The following MPDU1 variants were observed in gnomAD, a reference collection of about 807,000 sequenced individuals.
MPDU1 encodes mannose-P-dolichol utilization defect 1, also known as mannose-P-dolichol utilization defect 1 protein.
Under a neutral mutation model 27.6 loss-of-function variants are expected in MPDU1, and 18 were observed. The ratio of observed to expected loss-of-function variants is 0.65; its 90% CI spans 0.45 to 0.97. The LOEUF is 0.97. Ranked by LOEUF, MPDU1 falls within the 50% of genes least tolerant of loss-of-function variation. The probability of loss-of-function intolerance (pLI) is 0.00; values close to 1 mark genes in which losing one functional copy is unlikely to be tolerated. For synonymous variants in MPDU1, 142 were observed against 131.1 expected (o/e 1.08, Z -0.57); for missense variants, 279 against 297.4 (o/e 0.94, Z 0.46).
At position 7,585,536 on chromosome 17, in the gene MPDU1, CCA is replaced by C. The variant is rs138315817; in HGVS notation, c.104-195_104-194del. Reference sequence around the variant, plus strand: ...TGGGTGACAGAGCAAGACTCTGTCTCCAAAAAAAAAAAAAAGTGTGGTGGTTT... The same window carrying C: ...TGGGTGACAGAGCAAGACTCTGTCTCAAAAAAAAAAAAAGTGTGGTGGTTT... On this transcript the variant is annotated intron_variant, in intron 1 of 6. Transcript: ENST00000250124. Among the ~76,000 whole-genome samples the C allele has an allele frequency of 0.47, 69,313 of 147,998 alleles. 17,236 individuals carry two copies. Among genetic ancestry groups the C allele is most frequent in the South Asian group, 0.63 (2,953 of 4,660 alleles).
Position 7,588,145 on chromosome 17 carries a change from G to C in MPDU1, c.*594G>C. On this transcript the variant is annotated 3_prime_UTR_variant, in exon 7 of 7. Transcript: ENST00000250124. ...GGGCTGGTTCCTGCTGCAGTGAGGGGAACAGATGGGACAATAAAGACTGGA... is the reference window on the plus strand; with the variant it reads ...GGGCTGGTTCCTGCTGCAGTGAGGGCAACAGATGGGACAATAAAGACTGGA... The C allele has an allele frequency of 4.5e-6, 3 of 667,044 alleles. No individual in the cohort carries two copies. The South Asian group carries it at 4.5e-5, about 10-fold the overall frequency. The allele number at this position is 667,044 out of a possible 1,614,324, so 41.3% of individuals were successfully genotyped here. A position where few individuals can be genotyped will look rare whatever the true frequency, so the allele number is the denominator to read the frequency against.
intron 3 of MPDU1, 95 bp downstream of exon 3, chr17:7,586,173 C>T: frequency 6.7e-7 from 1 of 1,485,708 alleles, no homozygotes; most frequent in Non-Finnish European, 9.2e-7. Flanking sequence ...TGGCCGGGCC[C>T]AGTGGCTTGC....
chr17:7,584,582 T>C (rs967127941), intron 1 of MPDU1, among the ~76,000 whole-genome samples: 1 of 152,062 alleles, frequency 6.6e-6, no homozygotes, highest in Admixed American at 6.5e-5. Flanking sequence ...CCAAGTTCCT[T>C]GAGGGGAAGG....
At chr17:7,585,525 A>G (rs571341621) in intron 1 of MPDU1, among the ~76,000 whole-genome samples, 1 of 132,174 alleles carries the variant, frequency 7.6e-6, no homozygotes, top group African/African-American at 2.6e-5. Context: ...TGACAGAGCA[A>G]GACTCTGTCT....
In MPDU1 at chr17:7,587,008, G is replaced by A. The variant is rs1159329139; in HGVS notation, c.498G>A (p.Val166=). 1 of 1,612,654 alleles carries A rather than the reference G, an allele frequency of 6.2e-7. No homozygotes were observed. The highest frequency in any genetic ancestry group is 1.3e-5 in the African/African-American group (1 of 74,782). ...LLQASNVPAV[V]VGRLLQAATN... Reference sequence around the variant, plus strand: ...AGGCCTCCAATGTGCCTGCTGTGGTGGTGGGGAGGGTGGGTACCAGGAGCA... The same window carrying A: ...AGGCCTCCAATGTGCCTGCTGTGGTAGTGGGGAGGGTGGGTACCAGGAGCA... The change falls in exon 5 of 7, where the codon GTG becomes GTA. Residue 166 remains valine (V), a synonymous_variant. Transcript: ENST00000250124.
At position 7,588,185 on chromosome 17, in the gene MPDU1, A is replaced by G; in HGVS notation, c.*634A>G. 1 of 728,558 alleles carries G rather than the reference A, an allele frequency of 1.4e-6. No individual in the cohort carries two copies. Among genetic ancestry groups the G allele is most frequent in the Non-Finnish European group, 2.5e-6 (1 of 397,508 alleles). The allele number at this position is 728,558 out of a possible 1,614,324, so 45.1% of individuals were successfully genotyped here. ...TAAAGACTGGAGACTCAGTTGAATA[A>G]TACAAAACTGTTTAATACTACCAAA... is the stretch of plus-strand genomic sequence containing the variant. On this transcript the variant is annotated 3_prime_UTR_variant, in exon 7 of 7. Transcript: ENST00000250124.
Position 7,587,141 on chromosome 17 carries a change from G to T in MPDU1, c.508-20G>T, listed in dbSNP as rs184076780. Reference sequence around the variant, plus strand: ...GAAGAGCTCAGGTGACAGAGCCAAAGGTCTCAACTCCTCCCCTAGCTTCTC... The same window carrying T: ...GAAGAGCTCAGGTGACAGAGCCAAATGTCTCAACTCCTCCCCTAGCTTCTC... On this transcript the variant is annotated intron_variant, in intron 5 of 6. Transcript: ENST00000250124. 447 of 1,612,264 alleles carry T rather than the reference G, an allele frequency of 2.8e-4. 2 individuals carry two copies. Among genetic ancestry groups the T allele is most frequent in the Non-Finnish European group, 4.8e-5 (56 of 1,178,478 alleles).
chr17:7,586,383 G>C (rs1349011546), intron 3 of MPDU1: 4 of 508,598 alleles, frequency 7.9e-6, no homozygotes, highest in Non-Finnish European at 1.4e-5. Flanking sequence ...AGGTTGCAGT[G>C]AGCCAAGATT....
intron 1 of MPDU1, among the ~76,000 whole-genome samples, chr17:7,584,730 G>A (rs1412190033): frequency 6.6e-6 from 1 of 152,198 alleles, no homozygotes. Context: ...GGTGGCTCAC[G>A]CCTGTAATCC....
In MPDU1 at chr17:7,588,161, A is replaced by G. The variant is rs778097197; in HGVS notation, c.*610A>G. The G allele has an allele frequency of 4.4e-6, 3 of 688,350 alleles. No homozygotes were observed. The highest frequency in any genetic ancestry group is 3.0e-5 in the South Asian group (2 of 66,978). 42.6% of individuals were successfully genotyped at this position (688,350 alleles called of 1,614,324 possible). On this transcript the variant is annotated 3_prime_UTR_variant, in exon 7 of 7. Transcript: ENST00000250124. The stretch of plus-strand genomic sequence containing the variant: ...CAGTGAGGGGAACAGATGGGACAAT[A>G]AAGACTGGAGACTCAGTTGAATAAT...
At chr17:7,584,693 C>A (rs1022430350) in intron 1 of MPDU1, among the ~76,000 whole-genome samples, 1 of 152,112 alleles carries the variant, frequency 6.6e-6, no homozygotes, top group Admixed American at 6.5e-5. Context: ...TCAGAGTGTT[C>A]AAGAAAGAGT....
At chr17:7,584,120 T>C (rs1394694499) in intron 1 of MPDU1, 155 bp downstream of exon 1, 5 of 766,210 alleles carry the variant, frequency 6.5e-6, no homozygotes, top group Non-Finnish European at 9.1e-6. Context: ...CTCGGGCTCC[T>C]TAGAGGGAGG....
chr17:7,586,603 G>C (rs538603508), intron 3 of MPDU1, 89 bp from the exon 4 acceptor site: 1 of 1,148,346 alleles, frequency 8.7e-7, no homozygotes. Flanking sequence ...CGTGATCAGA[G>C]CATAGTGTCC....
Position 7,587,941 on chromosome 17 carries a change from G to A in MPDU1, c.*390G>A, listed in dbSNP as rs114118916. ...TGGCCCTGGAAGACTGAGTCTGGAC[G>A]GCAGAGTGGAGGGACTGGGAGGCTG... On this transcript the variant is annotated 3_prime_UTR_variant, in exon 7 of 7. Transcript: ENST00000250124. 1.6e-3 allele frequency: 759 copies of A among 479,968 alleles called. 4 individuals carry two copies. Among genetic ancestry groups the A allele is most frequent in the African/African-American group, 0.013 (681 of 51,242 alleles). 29.7% of individuals were successfully genotyped at this position (479,968 alleles called of 1,614,324 possible).
intron 1 of MPDU1, 74 bp downstream of exon 1, chr17:7,584,039 G>GTC: frequency 7.0e-7 from 1 of 1,430,420 alleles, no homozygotes; most frequent in Non-Finnish European, 9.8e-7. Flanking sequence ...CTTGATCGGC[G>GTC]ACTAAGTGAC....
chr17:7,585,984 A>G lies in MPDU1; in HGVS notation c.208A>G (p.Ser70Gly). 2.5e-6 allele frequency: 4 copies of G among 1,614,124 alleles called. No homozygotes were observed. Among genetic ancestry groups the G allele is most frequent in the Middle Eastern group, 3.3e-4 (2 of 6,062 alleles). The change falls in exon 3 of 7, where the codon AGT becomes GGT. Residue 70 changes from serine (S) to glycine (G), a missense_variant. Transcript: ENST00000250124. Reference sequence around the variant, plus strand: ...GGTGTTTAAAATCCTGGGAGCCAAGAGTGCTGAAGGGTTGAGTCTCCAGTC... The same window carrying G: ...GGTGTTTAAAATCCTGGGAGCCAAGGGTGCTGAAGGGTTGAGTCTCCAGTC... ...PQVFKILGAK[S>G]AEGLSLQSVM... is the part of the protein sequence containing the mutation.
intron 1 of MPDU1, among the ~76,000 whole-genome samples, chr17:7,585,150 T>A (rs551534678): frequency 3.6e-4 from 55 of 152,174 alleles, no homozygotes; most frequent in Non-Finnish European, 6.8e-4. Flanking sequence ...TGGAGAGCCG[T>A]GGAGGTCAAG....
rs749351998 is a variant in MPDU1, at chr17:7,587,488, C to G, written c.681C>G (p.Ile227Met). Residue 227 changes from isoleucine to methionine, a missense_variant, in exon 7 of 7, where the codon ATC (isoleucine) becomes ATG (methionine). Ile to Met is a conservative substitution (Grantham distance 10). Transcript: ENST00000250124. ...FVVSSLCNGL[I>M]AAQLLFYWNA... ...TCTCCTCTCTCTGCAACGGCCTCAT[C>G]GCCGCCCAGCTGCTCTTCTACTGGA... is the stretch of plus-strand genomic sequence containing the variant. 2.5e-6 allele frequency: 4 copies of G among 1,613,694 alleles called. No homozygotes were observed.
At chr17:7,587,374 C>T (rs375426452) in intron 6 of MPDU1, 52 bp from the exon 7 acceptor site, 1 of 1,613,982 alleles carries the variant, frequency 6.2e-7, no homozygotes, top group South Asian at 1.1e-5. Flanking sequence ...CATAAGGGAA[C>T]CTTTCTTGAG....
Sources: allele counts gnomAD v4.1 joint callset (sites outside exome capture counted in the v4.1 genomes callset), GRCh38; gene constraint gnomAD v4.1.1; transcripts MANE v1.5; gene names NCBI Gene and HGNC (gene_info 2026-07-23, HGNC 2026-07-21).